Variants in LRFN5 observed in about 807,000 individuals in gnomAD.
LRFN5 encodes leucine rich repeat and fibronectin type III domain containing 5.
A neutral mutation model predicts 45.6 loss-of-function variants in LRFN5; 24 were observed. The observed-to-expected ratio is 0.53, with a 90% CI of 0.38 to 0.74. The LOEUF (loss-of-function observed/expected upper bound fraction) is 0.74. Among genes scored for constraint, LRFN5 ranks in the 30% least tolerant of loss-of-function variants. The pLI is 0.00. For synonymous variants in LRFN5, 340 were observed against 313.8 expected, an observed-to-expected ratio of 1.08 and a Z score of -0.88; for missense variants, 776 against 861.5, an observed-to-expected ratio of 0.90 and a Z score of 1.24.
At chr14:41,855,194 A>G (rs1418102355) in intron 2 of LRFN5, among the ~76,000 whole-genome samples, 1 of 152,180 alleles carries the variant, frequency 6.6e-6, no homozygotes, top group Non-Finnish European at 1.5e-5. Flanking sequence ...ATAAAGCTGA[A>G]TTGGCTTAAA....
intron 1 of LRFN5, among the ~76,000 whole-genome samples, chr14:41,730,631 C>T (rs1488899060): frequency 6.6e-6 from 1 of 151,872 alleles, no homozygotes; most frequent in Non-Finnish European, 1.5e-5. Flanking sequence ...ATATAATTTT[C>T]ATTTTTAATG....
At position 41,784,385 on chromosome 14, in the gene LRFN5, TTTTA is replaced by T. The variant is rs370618751; in HGVS notation, c.-21+17360_-21+17363del. On this transcript the variant is annotated intron_variant, in intron 2 of 5. Coordinates refer to ENST00000298119, the MANE Select transcript of LRFN5 (RefSeq NM_152447.5). ...AGGTTTTCATGACCTTTTTAAAAAT[TTTTA>T]TTTCTTTTTTTTTAAAAAAACACAG... Among the ~76,000 whole-genome samples the T allele has an allele frequency of 1.5e-3, 221 of 152,144 alleles. 1 individual carries two copies. The highest frequency in any genetic ancestry group is 0.013 in the East Asian group (69 of 5,166).
chr14:41,718,419 A>G (rs564837730), intron 1 of LRFN5, among the ~76,000 whole-genome samples: 1 of 152,320 alleles, frequency 6.6e-6, no homozygotes, highest in Admixed American at 6.5e-5. Flanking sequence ...TTTGTTTGAC[A>G]TGGATTAAAA....
intron 2 of LRFN5, among the ~76,000 whole-genome samples, chr14:41,790,449 G>C (rs750215327): frequency 6.6e-6 from 1 of 151,080 alleles, no homozygotes; most frequent in African/African-American, 2.4e-5. Flanking sequence ...AGTTCTTATC[G>C]CTACTATTTC....
intron 1 of LRFN5, among the ~76,000 whole-genome samples, chr14:41,679,307 C>A (rs889281067): frequency 6.6e-6 from 1 of 152,052 alleles, no homozygotes; most frequent in African/African-American, 2.4e-5. Context: ...CACCACTTTC[C>A]TAACACCAGG....
chr14:41,901,489 C>G (rs993470741), intron 5 of LRFN5, among the ~76,000 whole-genome samples: 1 of 150,516 alleles, frequency 6.6e-6, no homozygotes, highest in South Asian at 2.1e-4. Flanking sequence ...AGAGCTATAG[C>G]TTATTCTGTG....
At chr14:41,845,845 T>C (rs1208139755) in intron 2 of LRFN5, among the ~76,000 whole-genome samples, 2 of 152,186 alleles carry the variant, frequency 1.3e-5, no homozygotes, top group Non-Finnish European at 2.9e-5. Flanking sequence ...GTGCCTATTA[T>C]TGCCAGCTAC....
chr14:41,689,723 T>C (rs2138701954), intron 1 of LRFN5, among the ~76,000 whole-genome samples: 1 of 150,570 alleles, frequency 6.6e-6, no homozygotes, highest in Middle Eastern at 3.4e-3. Flanking sequence ...TGAAACCCCG[T>C]CTCTACTAAA....
chr14:41,620,027 C>G (rs1566590727), intron 1 of LRFN5, among the ~76,000 whole-genome samples: 1 of 151,918 alleles, frequency 6.6e-6, no homozygotes, highest in African/African-American at 2.4e-5. Context: ...AGCATGATGG[C>G]TCTTTTAAAA....
intron 1 of LRFN5, among the ~76,000 whole-genome samples, chr14:41,725,052 GT>G (rs1241255154): frequency 6.6e-6 from 1 of 152,136 alleles, no homozygotes; most frequent in Non-Finnish European, 1.5e-5. Context: ...TTGGGGCTAT[GT>G]ATTTTCCCTT....
At chr14:41,868,656 G>A (rs996048599) in intron 2 of LRFN5, among the ~76,000 whole-genome samples, 6 of 152,114 alleles carry the variant, frequency 3.9e-5, no homozygotes, top group South Asian at 2.1e-4. Context: ...CTTCCACTGC[G>A]TTAGCAGTAT....
chr14:41,661,905 GT>G (rs1880674113), intron 1 of LRFN5, among the ~76,000 whole-genome samples: 1 of 152,018 alleles, frequency 6.6e-6, no homozygotes, highest in Admixed American at 6.6e-5. Context: ...GTTAATATGT[GT>G]ACTTAGCACT....
intron 1 of LRFN5, among the ~76,000 whole-genome samples, chr14:41,657,752 T>A (rs1880447700): frequency 6.6e-6 from 1 of 151,984 alleles, no homozygotes; most frequent in Non-Finnish European, 1.5e-5. Context: ...GGCATGAAAT[T>A]ATTTAATAAA....
intron 2 of LRFN5, among the ~76,000 whole-genome samples, chr14:41,860,992 A>C (rs1007626538): frequency 6.6e-6 from 1 of 152,242 alleles, no homozygotes; most frequent in African/African-American, 2.4e-5. Flanking sequence ...TTCTGCTCAG[A>C]GTCCAGTGCA....
At position 41,623,214 on chromosome 14, in the gene LRFN5, A is replaced by C. The variant is rs549764042; in HGVS notation, c.-197+14652A>C. Among the ~76,000 whole-genome samples, 21 of 152,210 alleles carry C rather than the reference A, an allele frequency of 1.4e-4. 1 individual carries two copies. The highest frequency in any genetic ancestry group is 4.8e-4 in the African/African-American group (20 of 41,544). On this transcript the variant is annotated intron_variant, in intron 1 of 5. Transcript: ENST00000298119. ...TTCCATTTGACAAATAAAACAGCCA[A>C]AATTAACCTCCTGTGGTGATACAGT...
intron 1 of LRFN5, among the ~76,000 whole-genome samples, chr14:41,745,761 T>C (rs1354166818): frequency 6.7e-6 from 1 of 148,866 alleles, no homozygotes; most frequent in Non-Finnish European, 1.5e-5. Context: ...ACAAACTGAA[T>C]AACCCTACAT....
chr14:41,674,301 C>T (rs1185972023), intron 1 of LRFN5, among the ~76,000 whole-genome samples: 4 of 137,696 alleles, frequency 2.9e-5, no homozygotes, highest in African/African-American at 1.1e-4. Context: ...CCTCACCTCC[C>T]GGACGGGGCG....
At chr14:41,792,823 A>G (rs1566445112) in intron 2 of LRFN5, among the ~76,000 whole-genome samples, 3 of 152,090 alleles carry the variant, frequency 2.0e-5, no homozygotes, top group Non-Finnish European at 2.9e-5. Context: ...GAGGTGACCT[A>G]TATCCTCAGC....
rs561168819 is a variant in LRFN5 at position 41,854,991 on chromosome 14, T to C, written c.-20-31615T>C. Among the ~76,000 whole-genome samples, 3 of 152,294 alleles carry C rather than the reference T, an allele frequency of 2.0e-5. No individual in the cohort carries two copies. The South Asian group carries it at 6.2e-4, about 32-fold the overall frequency. On this transcript the variant is annotated intron_variant, in intron 2 of 5. Coordinates refer to ENST00000298119, the MANE Select transcript of LRFN5 (RefSeq NM_152447.5). ...GGTAAGACATGAATTAGTTAAATTC[T>C]CCAGGTGAAAGATAAAATTCTATCA...
Sources: gnomAD v4.1 joint callset for allele counts (sites outside exome capture counted in the v4.1 genomes callset) on GRCh38, gnomAD v4.1.1 for gene constraint, MANE v1.5 for transcripts, NCBI Gene and HGNC (gene_info 2026-07-23, HGNC 2026-07-21) for gene names.